AK7: variants seen among roughly 807,000 people sequenced by gnomAD.
AK7 encodes the protein ATP-AMP transphosphorylase 7.
In AK7, 78 loss-of-function variants were observed where a neutral mutation model predicts 96.6. The ratio of observed to expected loss-of-function variants is 0.81; its 90% CI spans 0.67 to 0.97. The LOEUF is 0.97. AK7 is among the 50% of genes least tolerant of loss of function. AK7 has a pLI of 0.00. For synonymous variants in AK7, 302 were observed against 317.2 expected (o/e 0.95, Z 0.51); for missense variants, 855 against 887.9 (o/e 0.96, Z 0.47).
In AK7 at chr14:96,399,629, C is replaced by G. The variant is rs1043605813; in HGVS notation, c.294+1366C>G. On this transcript the variant is annotated intron_variant, in intron 2 of 17. Transcript: ENST00000267584. The surrounding 1 kb of genome is among the most constrained non-coding windows in gnomAD (Gnocchi z 4.1). ...AACACTTCACAGGAGGTGCCCTGGC[C>G]GATGTCACCAGCAGTCCCCTGACTC... Among the ~76,000 whole-genome samples, 1 of 152,170 alleles carries G rather than the reference C, an allele frequency of 6.6e-6. No individual in the cohort carries two copies. Among genetic ancestry groups the G allele is most frequent in the Non-Finnish European group, 1.5e-5 (1 of 68,046 alleles).
intron 5 of AK7, among the ~76,000 whole-genome samples, chr14:96,428,211 GT>G (rs1183485634): frequency 6.6e-6 from 1 of 151,412 alleles, no homozygotes; most frequent in Non-Finnish European, 1.5e-5. Flanking sequence ...AGAACATGTG[GT>G]GTTTGGTTTT....
chr14:96,474,896 C>G (rs1359179714), intron 14 of AK7, among the ~76,000 whole-genome samples: 1 of 152,202 alleles, frequency 6.6e-6, no homozygotes, highest in Non-Finnish European at 1.5e-5. Flanking sequence ...AGGAATTACA[C>G]CCATGTTTAC....
chr14:96,432,999 C>T (rs1352164875), intron 5 of AK7, among the ~76,000 whole-genome samples: 1 of 152,094 alleles, frequency 6.6e-6, no homozygotes, highest in Non-Finnish European at 1.5e-5. Flanking sequence ...ATATTGGCCC[C>T]CACTCTCTTC....
At chr14:96,445,385 T>C (rs1249806245) in intron 7 of AK7, among the ~76,000 whole-genome samples, 2 of 152,096 alleles carry the variant, frequency 1.3e-5, no homozygotes, top group East Asian at 3.9e-4. Flanking sequence ...ATAGGCTAGG[T>C]GCAGTGGCTC....
At position 96,398,257 on chromosome 14, in the gene AK7, G is replaced by T; in HGVS notation, c.288G>T (p.Thr96=). The T allele has an allele frequency of 1.2e-6, 2 of 1,612,808 alleles. No homozygotes were observed. Among genetic ancestry groups the T allele is most frequent in the Non-Finnish European group, 1.7e-6 (2 of 1,179,900 alleles). ...DSPRPDFAVE[T]YSAISREDLL... ...CGCGGCCTGACTTTGCGGTGGAGAC[G>T]TACTCTGTAAGTCCCGGAGGCTCTG... is the stretch of plus-strand genomic sequence containing the variant. The change falls in exon 2 of 18, where the codon ACG becomes ACT. Residue 96 remains threonine, a synonymous_variant. Coordinates refer to ENST00000267584, the MANE Select transcript of AK7 (RefSeq NM_152327.5).
At chr14:96,424,135 T>A in intron 5 of AK7, 1 of 636,336 alleles carries the variant, frequency 1.6e-6, no homozygotes. Flanking sequence ...CCCGTGCAGG[T>A]GACATGCAGC....
At chr14:96,485,890 G>T (rs971237015) in intron 16 of AK7, among the ~76,000 whole-genome samples, 1 of 149,504 alleles carries the variant, frequency 6.7e-6, no homozygotes, top group Non-Finnish European at 1.5e-5. Context: ...CCGCCTCCCC[G>T]GTTCACGCCA....
At chr14:96,471,365 G>T (rs1894875237) in intron 12 of AK7, 113 bp from the exon 13 acceptor site, 6 of 498,308 alleles carry the variant, frequency 1.2e-5, no homozygotes, top group South Asian at 1.3e-4. Flanking sequence ...GCAAAATAGG[G>T]ATTTCCAATA....
At chr14:96,480,442 AG>A (rs1259009192) in intron 15 of AK7, among the ~76,000 whole-genome samples, 11 of 152,006 alleles carry the variant, frequency 7.2e-5, no homozygotes, top group South Asian at 2.1e-4. Context: ...AAAAAAAAAA[AG>A]AAATACAAAA....
chr14:96,395,894 T>C (rs1473988011), intron 1 of AK7, among the ~76,000 whole-genome samples: 3 of 134,422 alleles, frequency 2.2e-5, no homozygotes, highest in Non-Finnish European at 4.7e-5. Flanking sequence ...TCACTGCAAC[T>C]TCCACCTCCT....
intron 13 of AK7, 41 bp from the exon 14 acceptor site, chr14:96,472,646 A>G (rs892063108): frequency 2.0e-6 from 3 of 1,535,984 alleles, no homozygotes; most frequent in Non-Finnish European, 2.7e-6. Context: ...CATAGTAATA[A>G]TATATTAATA....
chr14:96,396,305 G>C (rs1890080716), intron 1 of AK7, among the ~76,000 whole-genome samples: 1 of 152,124 alleles, frequency 6.6e-6, no homozygotes, highest in South Asian at 2.1e-4. Flanking sequence ...CTGATCATCT[G>C]CTCCAAGGAA....
At position 96,483,364 on chromosome 14, in the gene AK7, T is replaced by C. The variant is rs1895610368; in HGVS notation, c.1974+145T>C. On this transcript the variant is annotated intron_variant, in intron 16 of 17. Coordinates refer to ENST00000267584, the MANE Select transcript of AK7 (RefSeq NM_152327.5). ...CCTAAACAAATTTGTGTTTGCTTTT[T>C]GTCATTTGTACCATTTAAAAAAGGA... The C allele has an allele frequency of 6.1e-6, 5 of 824,164 alleles. No individual in the cohort carries two copies. The South Asian group carries it at 9.1e-5, about 15-fold the overall frequency. The allele number at this position is 824,164 out of a possible 1,614,324, so 51.1% of individuals were successfully genotyped here. A position where few individuals can be genotyped will look rare whatever the true frequency, so the allele number is the denominator to read the frequency against.
rs1566787471 is a variant in AK7 at position 96,442,826 on chromosome 14, T to A, written c.779+8T>A. 1.2e-6 allele frequency: 2 copies of A among 1,612,184 alleles called. No homozygotes were observed. Among genetic ancestry groups the A allele is most frequent in the East Asian group, 2.2e-5 (1 of 44,880 alleles). On this transcript the variant is annotated splice_region_variant and intron_variant, in intron 7 of 17. Transcript: ENST00000267584. ...TGTTCTTGATCTAGCAGGGTAAGCA[T>A]TCGCCCAGAGACGTGACCTTCACAG...
chr14:96,470,252 G>A (rs138420873), intron 12 of AK7, among the ~76,000 whole-genome samples: 36 of 151,872 alleles, frequency 2.4e-4, no homozygotes, highest in African/African-American at 6.3e-4. Flanking sequence ...ATGAGAAGGC[G>A]GAGAAGGATG....
chr14:96,471,779 G>T (rs1370178237), intron 13 of AK7, among the ~76,000 whole-genome samples, 173 bp downstream of exon 13: 1 of 150,750 alleles, frequency 6.6e-6, no homozygotes, highest in Non-Finnish European at 1.5e-5. Flanking sequence ...TTTCCCCCTG[G>T]ATGGTGGCTC....
intron 5 of AK7, among the ~76,000 whole-genome samples, chr14:96,432,766 C>G (rs535358069): frequency 1.3e-5 from 2 of 148,198 alleles, no homozygotes; most frequent in African/African-American, 5.0e-5. Context: ...AGGCAGATCA[C>G]AAGGTCAGGA....
At chr14:96,432,451 C>T (rs951792115) in intron 5 of AK7, among the ~76,000 whole-genome samples, 1 of 151,992 alleles carries the variant, frequency 6.6e-6, no homozygotes, top group Non-Finnish European at 1.5e-5. Flanking sequence ...GGTTATTTTG[C>T]CCATTAGTTC....
chr14:96,437,885 G>A lies in AK7; in HGVS notation c.660G>A (p.Ala220=), dbSNP rs201546130. ...TTGCTGCTGGACTCCAGTATGGAGC[G>A]GAAGGAGGCATGTTACACACATTTT... ...YVVAAGLQYG[A]EGGMLHTFFK... is the part of the protein sequence containing the mutation. Residue 220 remains alanine, a synonymous_variant, in exon 6 of 18, where the codon GCG becomes GCA. Transcript: ENST00000267584. The A allele has an allele frequency of 1.4e-4, 230 of 1,613,554 alleles. No individual in the cohort carries two copies. Among genetic ancestry groups the A allele is most frequent in the Non-Finnish European group, 1.6e-4 (189 of 1,179,812 alleles).
Sources: allele counts gnomAD v4.1 joint callset (sites outside exome capture counted in the v4.1 genomes callset), GRCh38; gene constraint gnomAD v4.1.1; non-coding constraint Gnocchi (gnomAD v3.1); transcripts MANE v1.5; gene names NCBI Gene and HGNC (gene_info 2026-07-23, HGNC 2026-07-21).